SPRED1: variants seen among roughly 807,000 people sequenced by gnomAD.
SPRED1 encodes sprouty related EVH1 domain containing 1, also known as sprouty-related, EVH1 domain-containing protein 1.
Under a neutral mutation model 52.3 loss-of-function variants are expected in SPRED1, and 18 were observed. That is an observed-to-expected ratio of 0.34 (90% CI 0.24 to 0.51). SPRED1 has a LOEUF of 0.51. Ranked by LOEUF, SPRED1 falls within the 20% of genes least tolerant of loss-of-function variation. The pLI, the probability that SPRED1 is intolerant of heterozygous loss-of-function variation, is 0.97. For missense variants in SPRED1, 485 were observed against 551.0 expected (o/e 0.88, Z 1.20); for synonymous variants, 155 against 179.7 (o/e 0.86, Z 1.10).
At chr15:38,299,088 G>T (rs574723299) in intron 1 of SPRED1, among the ~76,000 whole-genome samples, 7 of 152,156 alleles carry the variant, frequency 4.6e-5, no homozygotes, top group Non-Finnish European at 1.0e-4. Context: ...AACTTGTTCC[G>T]TGGCAATCAG....
At chr15:38,310,012 C>G (rs564974957) in intron 2 of SPRED1, among the ~76,000 whole-genome samples, 15 of 152,080 alleles carry the variant, frequency 9.9e-5, no homozygotes, top group Admixed American at 2.6e-4. Context: ...TAGAATGATT[C>G]CTAATACAGA....
At chr15:38,334,162 A>C in intron 4 of SPRED1, among the ~76,000 whole-genome samples, 1 of 152,096 alleles carries the variant, frequency 6.6e-6, no homozygotes, top group East Asian at 1.9e-4. Flanking sequence ...AATTGAGCAA[A>C]AAATTTCAGA....
intron 1 of SPRED1, among the ~76,000 whole-genome samples, chr15:38,259,645 G>T (rs1290056027): frequency 6.6e-6 from 1 of 152,178 alleles, no homozygotes; most frequent in Admixed American, 6.5e-5. Flanking sequence ...AGTTCTACAA[G>T]GAATATGCTA....
intron 1 of SPRED1, among the ~76,000 whole-genome samples, chr15:38,272,344 C>G (rs1055916934): frequency 3.6e-4 from 52 of 146,144 alleles, no homozygotes; most frequent in African/African-American, 1.3e-3. Context: ...TCTTGGCTCA[C>G]TGCAACTTCT....
At chr15:38,267,908 G>C (rs887135362) in intron 1 of SPRED1, among the ~76,000 whole-genome samples, 3 of 152,054 alleles carry the variant, frequency 2.0e-5, no homozygotes, top group Non-Finnish European at 4.4e-5. Context: ...ATGCCCATAG[G>C]ATATACATAT....
chr15:38,347,514 T>A (rs1323277063), intron 5 of SPRED1, among the ~76,000 whole-genome samples: 1 of 145,268 alleles, frequency 6.9e-6, no homozygotes, highest in Non-Finnish European at 1.5e-5. Context: ...TTTTAAAATA[T>A]TTAGAATCAG....
intron 1 of SPRED1, among the ~76,000 whole-genome samples, chr15:38,267,304 A>C (rs978169632): frequency 1.3e-5 from 2 of 152,170 alleles, no homozygotes; most frequent in African/African-American, 2.4e-5. Context: ...TTTAAAGAAC[A>C]CTTTAGGTTT....
intron 2 of SPRED1, among the ~76,000 whole-genome samples, chr15:38,307,713 C>G (rs991710724): frequency 1.3e-5 from 2 of 152,148 alleles, no homozygotes; most frequent in African/African-American, 2.4e-5. Flanking sequence ...CATGTACACT[C>G]TCTAAATTAT....
rs758076279 is a variant in SPRED1, at chr15:38,299,637, C to G, written c.207+90C>G. The stretch of plus-strand genomic sequence containing the variant: ...AGTATACTGTTGTGAGTTTTTTTCA[C>G]CTGTGAATCAGTAATTATGTTTCTG... On this transcript the variant is annotated intron_variant, in intron 2 of 6. Transcript: ENST00000299084. 31 of 1,273,396 alleles carry G rather than the reference C, an allele frequency of 2.4e-5. 1 individual carries two copies. Among genetic ancestry groups the G allele is most frequent in the Non-Finnish European group, 2.6e-5 (23 of 894,988 alleles). The allele number at this position is 1,273,396 out of a possible 1,614,324, so 78.9% of individuals were successfully genotyped here. A position where few individuals can be genotyped will look rare whatever the true frequency, so the allele number is the denominator to read the frequency against.
In SPRED1 at chr15:38,356,968, A is replaced by G. The variant is rs1259725475; in HGVS notation, c.*5304A>G. On this transcript the variant is annotated 3_prime_UTR_variant, in exon 7 of 7. Coordinates refer to ENST00000299084, the MANE Select transcript of SPRED1 (RefSeq NM_152594.3). ...GAAATGTAGTCTCATGTGCTTATTT[A>G]CAGGTTTTTCAGAATTTGCTTTACA... 6.6e-6 allele frequency: 1 copy of G among 152,192 alleles called. No individual in the cohort carries two copies. The highest frequency in any genetic ancestry group is 1.5e-5 in the Non-Finnish European group (1 of 67,994). 9.4% of individuals were successfully genotyped at this position (152,192 alleles called of 1,614,324 possible).
intron 1 of SPRED1, among the ~76,000 whole-genome samples, chr15:38,294,097 T>G (rs1190246721): frequency 6.6e-6 from 1 of 152,168 alleles, no homozygotes; most frequent in Non-Finnish European, 1.5e-5. Context: ...TCTACATAGT[T>G]TAGAAAGCAC....
chr15:38,289,429 T>C (rs1230351156), intron 1 of SPRED1, among the ~76,000 whole-genome samples: 1 of 151,944 alleles, frequency 6.6e-6, no homozygotes, highest in African/African-American at 2.4e-5. Flanking sequence ...TTTCCTGTTA[T>C]ATGCCATTTG....
chr15:38,309,718 A>G (rs991093144), intron 2 of SPRED1, among the ~76,000 whole-genome samples: 4 of 152,184 alleles, frequency 2.6e-5, no homozygotes, highest in Non-Finnish European at 5.9e-5. Flanking sequence ...AAAGTTTTAT[A>G]TAATAGTTTC....
Position 38,299,502 on chromosome 15 carries a change from C to T in SPRED1, c.162C>T (p.Gly54=). 1.2e-6 allele frequency: 2 copies of T among 1,613,970 alleles called. No individual in the cohort carries two copies. The highest frequency in any genetic ancestry group is 1.7e-6 in the Non-Finnish European group (2 of 1,179,932). Residue 54 remains glycine (G), a synonymous_variant, in exon 2 of 7, where the codon GGC becomes GGT. Transcript: ENST00000299084. Reference sequence around the variant, plus strand: ...AAGTCCCTCATCAGGAAGAGAATGGCTGTGCTGACTTTTTTATCCGTGGAG... The same window carrying T: ...AAGTCCCTCATCAGGAAGAGAATGGTTGTGCTGACTTTTTTATCCGTGGAG... The part of the protein sequence containing the change: ...VFKVPHQEEN[G]CADFFIRGER...
intron 1 of SPRED1, among the ~76,000 whole-genome samples, chr15:38,295,153 T>C (rs1895007236): frequency 6.6e-6 from 1 of 152,194 alleles, no homozygotes; most frequent in Admixed American, 6.5e-5. Flanking sequence ...TGTTTTGCAA[T>C]ACGTATTTGC....
In SPRED1 at chr15:38,352,759, A is replaced by ATT. The variant is rs1888519809; in HGVS notation, c.*1096_*1097insTT. 1 of 152,126 alleles carries ATT rather than the reference A, an allele frequency of 6.6e-6. No individual in the cohort carries two copies. The allele number at this position is 152,126 out of a possible 1,614,324, so 9.4% of individuals were successfully genotyped here. A position where few individuals can be genotyped will look rare whatever the true frequency, so the allele number is the denominator to read the frequency against. ...GCTGTGTTACTAATTTTTCAGCTTA[A>ATT]TCCTCAGTGCTTATTATTTACATAA... On this transcript the variant is annotated 3_prime_UTR_variant, in exon 7 of 7. Coordinates refer to ENST00000299084, the MANE Select transcript of SPRED1 (RefSeq NM_152594.3).
chr15:38,287,653 T>A (rs1041952579), intron 1 of SPRED1, among the ~76,000 whole-genome samples: 2 of 152,166 alleles, frequency 1.3e-5, no homozygotes, highest in African/African-American at 4.8e-5. Context: ...TGAAAAAAAT[T>A]GCATCTTTAC....
At chr15:38,311,513 T>A (rs962254573) in intron 2 of SPRED1, among the ~76,000 whole-genome samples, 1 of 152,158 alleles carries the variant, frequency 6.6e-6, no homozygotes, top group African/African-American at 2.4e-5. Context: ...TTAGTTCGTT[T>A]TTAGATGGTA....
At chr15:38,287,760 G>C (rs1232559370) in intron 1 of SPRED1, among the ~76,000 whole-genome samples, 1 of 152,138 alleles carries the variant, frequency 6.6e-6, no homozygotes, top group Non-Finnish European at 1.5e-5. Flanking sequence ...ATGTCCATAG[G>C]CTGTATGCAA....
Sources: gnomAD v4.1 joint callset for allele counts (sites outside exome capture counted in the v4.1 genomes callset) on GRCh38, gnomAD v4.1.1 for gene constraint, MANE v1.5 for transcripts, NCBI Gene and HGNC (gene_info 2026-07-23, HGNC 2026-07-21) for gene names.